Variants in DOCK4 observed in about 807,000 individuals in gnomAD.
The protein encoded by DOCK4 is dedicator of cytokinesis 4.
A neutral mutation model predicts 268.1 loss-of-function variants in DOCK4; 97 were observed. The observed-to-expected ratio is 0.36, with a 90% CI of 0.31 to 0.43. The LOEUF (loss-of-function observed/expected upper bound fraction) is 0.43, where lower values mean the gene tolerates loss of function less well. Ranked by LOEUF, DOCK4 falls within the 20% of genes least tolerant of loss-of-function variation. DOCK4 has a pLI of 1.00. For missense variants in DOCK4, 2,145 were observed against 2,455.7 expected, an observed-to-expected ratio of 0.87 and a Z score of 2.67; for synonymous variants, 954 against 887.2, an observed-to-expected ratio of 1.08 and a Z score of -1.34.
chr7:112,006,791 G>C (rs546777726), intron 1 of DOCK4, among the ~76,000 whole-genome samples: 2 of 152,300 alleles, frequency 1.3e-5, no homozygotes, highest in South Asian at 4.1e-4. Flanking sequence ...GTGGACACTT[G>C]TCTCCACCTG....
At chr7:111,775,645 C>T (rs1271778513) in intron 36 of DOCK4, among the ~76,000 whole-genome samples, 4 of 152,094 alleles carry the variant, frequency 2.6e-5, no homozygotes, top group Non-Finnish European at 4.4e-5. Context: ...AAGAAAAGTC[C>T]CTTTAGTCGG....
rs553688438 is a variant in DOCK4, at chr7:111,933,287, T to C, written c.1066+2253A>G. The stretch of plus-strand genomic sequence containing the variant: ...ATATATATACATATATACATATATA[T>C]ATATATATATATTTTTTTTTTTTTT... On this transcript the variant is annotated intron_variant, in intron 12 of 52. Transcript: ENST00000428084. 1.6e-4 allele frequency among the ~76,000 whole-genome samples: 19 copies of C among 121,616 alleles called. 1 individual carries two copies. The highest frequency in any genetic ancestry group is 2.7e-4 in the Non-Finnish European group (16 of 59,474). The allele number at this position is 121,616 out of a possible 152,430, so 79.8% of individuals were successfully genotyped here. A position where few individuals can be genotyped will look rare whatever the true frequency, so the allele number is the denominator to read the frequency against.
intron 1 of DOCK4, among the ~76,000 whole-genome samples, chr7:112,055,795 C>A (rs980193680): frequency 2.4e-4 from 37 of 151,914 alleles, no homozygotes; most frequent in African/African-American, 8.5e-4. Context: ...GTAAACCCAG[C>A]TACTCAGAAG....
At chr7:111,784,433 G>A in intron 32 of DOCK4, 1 of 582,512 alleles carries the variant, frequency 1.7e-6, no homozygotes, top group Non-Finnish European at 3.2e-6. Context: ...CAATGCAACT[G>A]CTACAGGAAA....
chr7:111,880,660 G>A (rs1023457366), intron 16 of DOCK4, among the ~76,000 whole-genome samples: 16 of 152,104 alleles, frequency 1.1e-4, no homozygotes, highest in African/African-American at 3.4e-4. Context: ...ATCACATTAC[G>A]TTACTTTGAA....
At chr7:112,135,902 T>C (rs1814300054) in intron 1 of DOCK4, among the ~76,000 whole-genome samples, 2 of 152,208 alleles carry the variant, frequency 1.3e-5, no homozygotes, top group Non-Finnish European at 2.9e-5. Context: ...CCCTTATTGA[T>C]TTCCTTCCAC....
intron 1 of DOCK4, among the ~76,000 whole-genome samples, chr7:112,020,856 C>T (rs546763784): frequency 7.9e-5 from 12 of 152,310 alleles, no homozygotes; most frequent in Admixed American, 7.2e-4. Flanking sequence ...AAAACATGAT[C>T]TAATCCTAAC....
At chr7:111,911,863 ATT>A (rs1045917528) in intron 13 of DOCK4, among the ~76,000 whole-genome samples, 4 of 151,760 alleles carry the variant, frequency 2.6e-5, no homozygotes, top group Non-Finnish European at 5.9e-5. Context: ...AGTGGGATGA[ATT>A]TTTTTTGTTG....
In DOCK4 at chr7:111,783,889, T is replaced by C. The variant is rs946152064; in HGVS notation, c.3492A>G (p.Val1164=). The C allele has an allele frequency of 3.1e-6, 5 of 1,605,240 alleles. No individual in the cohort carries two copies. In the Admixed American group the frequency reaches 8.5e-5, roughly 27 times the overall value. ...RESGVSLIAT[V]TRLMERLLDY... The stretch of plus-strand genomic sequence containing the variant: ...CTAACAACCTCTCCATTAGACGAGT[T>C]ACAGTAGCAATTAATGAAACGCCAC... Residue 1164 remains valine, a synonymous_variant, in exon 34 of 53, where the codon GTA becomes GTG. Coordinates refer to ENST00000428084, the MANE Select transcript of DOCK4 (RefSeq NM_001363540.2).
At chr7:112,135,413 G>A (rs1210079141) in intron 1 of DOCK4, among the ~76,000 whole-genome samples, 2 of 133,576 alleles carry the variant, frequency 1.5e-5, no homozygotes, top group African/African-American at 4.9e-5. Context: ...GTAGGTACTT[G>A]AGAAAAAAAA....
At chr7:111,869,339 T>C (rs1213352720) in intron 21 of DOCK4, 2 of 468,892 alleles carry the variant, frequency 4.3e-6, no homozygotes, top group African/African-American at 2.0e-5. Flanking sequence ...TCAAGTACTC[T>C]CCAGCCCAGA....
intron 13 of DOCK4, among the ~76,000 whole-genome samples, chr7:111,912,734 G>T (rs537627510): frequency 6.6e-6 from 1 of 152,228 alleles, no homozygotes; most frequent in African/African-American, 2.4e-5. Flanking sequence ...GAAATAGATA[G>T]GTATAGACAG....
intron 12 of DOCK4, among the ~76,000 whole-genome samples, chr7:111,926,524 AG>A (rs1398899094): frequency 2.0e-4 from 30 of 149,294 alleles, no homozygotes; most frequent in Non-Finnish European, 4.0e-4. Context: ...AAAAAAAGAA[AG>A]AAAAAGAGAA....
chr7:112,021,245 G>T lies in DOCK4; in HGVS notation c.38-17114C>A, dbSNP rs943900445. ...AGCACACTTCGGCAAATCTGTTTTG[G>T]TAGTTCAGAAACTTACTTGTTGGTT... On this transcript the variant is annotated intron_variant, in intron 1 of 52. Transcript: ENST00000428084. Among the ~76,000 whole-genome samples the T allele has an allele frequency of 5.3e-5, 8 of 152,268 alleles. No homozygotes were observed. In the South Asian group the frequency reaches 1.7e-3, roughly 32 times the overall value.
rs779672515 is a variant in DOCK4 at position 111,758,730 on chromosome 7, C to T, written c.4223G>A (p.Gly1408Asp). The change falls in exon 41 of 53, where the codon GGT becomes GAT. Residue 1408 changes from glycine to aspartate, a missense_variant. Transcript: ENST00000428084. ...PESQEVLQREGVPDNIKSFYK... is the reference protein window; with the variant it reads ...PESQEVLQREDVPDNIKSFYK... ...GAAGCTTTTGATGTTGTCCGGAACA[C>T]CCTCTCTCTGCAGGACCTCCTGGCT... 1.9e-6 allele frequency: 3 copies of T among 1,613,816 alleles called. No homozygotes were observed. In the African/African-American group the frequency reaches 4.0e-5, roughly 22 times the overall value.
At chr7:111,828,886 G>C (rs1802596163) in intron 26 of DOCK4, among the ~76,000 whole-genome samples, 1 of 128,424 alleles carries the variant, frequency 7.8e-6, no homozygotes, top group Non-Finnish European at 1.5e-5. Context: ...GTGTGTGTGT[G>C]TGTATATATA....
At chr7:111,755,379 A>C in intron 42 of DOCK4, 136 bp downstream of exon 42, 1 of 781,150 alleles carries the variant, frequency 1.3e-6, no homozygotes, top group Non-Finnish European at 2.1e-6. Context: ...ATAGCGGTCA[A>C]GACCATAAAC....
chr7:111,983,860 G>GCACACACACACACA (rs375791144), intron 7 of DOCK4, among the ~76,000 whole-genome samples: 22 of 128,924 alleles, frequency 1.7e-4, no homozygotes, highest in South Asian at 7.3e-4. Context: ...GCGCGCGCGC[G>GCACACACACACACA]CGCACACACA....
chr7:111,778,823 G>A (rs1419111408), intron 35 of DOCK4, among the ~76,000 whole-genome samples: 6 of 152,110 alleles, frequency 3.9e-5, no homozygotes, highest in African/African-American at 1.2e-4. Context: ...TTGGGAGGAC[G>A]AGGTGGACAG....
Sources: gnomAD v4.1 joint callset for allele counts (sites outside exome capture counted in the v4.1 genomes callset) on GRCh38, gnomAD v4.1.1 for gene constraint, MANE v1.5 for transcripts, NCBI Gene and HGNC (gene_info 2026-07-23, HGNC 2026-07-21) for gene names.